SH3BGRL: variants seen among roughly 807,000 people sequenced by gnomAD.
The protein encoded by SH3BGRL is SH3 domain binding glutamate rich protein like, also known as adapter SH3BGRL.
SH3BGRL carries 7 observed loss-of-function variants against 9.8 expected under a neutral mutation model. The ratio of observed to expected loss-of-function variants is 0.72; its 90% CI spans 0.41 to 1.35. SH3BGRL has a LOEUF of 1.35. Among genes scored for constraint, SH3BGRL ranks in the 40% most tolerant of loss-of-function variants. The pLI is 0.01. For missense variants in SH3BGRL, 73 were observed against 84.4 expected (o/e 0.86, Z 0.53); for synonymous variants, 36 against 29.1 (o/e 1.24, Z -0.76).
At chrX:81,290,228 A>G (rs2075852826) in intron 3 of SH3BGRL, among the ~76,000 whole-genome samples, 1 of 112,161 alleles carries the variant, frequency 8.9e-6, no homozygotes, top group Non-Finnish European at 1.9e-5. Flanking sequence ...GCTGCTGGGT[A>G]TATACACTAA....
At chrX:81,254,954 G>A (rs1310943847) in intron 1 of SH3BGRL, among the ~76,000 whole-genome samples, 1 of 104,769 alleles carries the variant, frequency 9.5e-6, no homozygotes, top group Non-Finnish European at 1.9e-5. Context: ...GCAGTGGCAC[G>A]ATCTCGGCTC....
chrX:81,209,323 T>C (rs1396857632), intron 1 of SH3BGRL, among the ~76,000 whole-genome samples: 2 of 111,903 alleles, frequency 1.8e-5, no homozygotes, highest in African/African-American at 6.5e-5. Flanking sequence ...GATTTGACTT[T>C]AGTAATAGTA....
intron 1 of SH3BGRL, among the ~76,000 whole-genome samples, chrX:81,215,219 A>G (rs1025931687): frequency 9.1e-6 from 1 of 110,457 alleles, no homozygotes; most frequent in Non-Finnish European, 1.9e-5. Flanking sequence ...TCTACATTCA[A>G]TACTTTTACA....
chrX:81,220,274 C>G lies in SH3BGRL; in HGVS notation c.45+18029C>G, dbSNP rs1005120031. Among the ~76,000 whole-genome samples, 4 of 111,512 alleles carry G rather than the reference C, an allele frequency of 3.6e-5. No homozygotes were observed. In the Admixed American group the frequency reaches 3.8e-4, roughly 11 times the overall value. The stretch of plus-strand genomic sequence containing the variant: ...CCTGGCATTTCTTTGCTGGAAGACT[C>G]TGTTGCAGCTTTGTTCTCATTACTT... On this transcript the variant is annotated intron_variant, in intron 1 of 3. Coordinates refer to ENST00000373212, the MANE Select transcript of SH3BGRL (RefSeq NM_003022.3).
chrX:81,294,701 C>T (rs752808179), intron 3 of SH3BGRL, among the ~76,000 whole-genome samples: 3 of 110,880 alleles, frequency 2.7e-5, no homozygotes, highest in Non-Finnish European at 5.7e-5. Flanking sequence ...TCCTTCAGAC[C>T]CCAGAATGGT....
intron 1 of SH3BGRL, among the ~76,000 whole-genome samples, chrX:81,242,650 A>T (rs759568804): frequency 8.9e-6 from 1 of 111,732 alleles, no homozygotes; most frequent in Non-Finnish European, 1.9e-5. Context: ...AGAGTAGTAG[A>T]CAATATTTGC....
At chrX:81,260,618 A>G (rs980756065) in intron 1 of SH3BGRL, among the ~76,000 whole-genome samples, 7 of 110,543 alleles carry the variant, frequency 6.3e-5, no homozygotes, top group Admixed American at 9.7e-5. Flanking sequence ...TAATATACCC[A>G]CTTACTTGTA....
At chrX:81,264,458 A>G (rs769602467) in intron 1 of SH3BGRL, among the ~76,000 whole-genome samples, 17 of 111,853 alleles carry the variant, frequency 1.5e-4, no homozygotes, top group Admixed American at 4.8e-4. Flanking sequence ...AACACTTAAC[A>G]AGCACTCAAC....
At chrX:81,288,276 A>G (rs2075843930) in intron 3 of SH3BGRL, among the ~76,000 whole-genome samples, 1 of 112,162 alleles carries the variant, frequency 8.9e-6, no homozygotes, top group African/African-American at 3.2e-5. Context: ...CTTAGTATAG[A>G]AGGAACATAC....
chrX:81,286,683 G>A (rs2075835642), intron 3 of SH3BGRL, among the ~76,000 whole-genome samples: 1 of 110,038 alleles, frequency 9.1e-6, no homozygotes, highest in Non-Finnish European at 1.9e-5. Context: ...TTATCAAAGG[G>A]TATATAATGA....
chrX:81,246,555 GAATA>G (rs2075689463), intron 1 of SH3BGRL, among the ~76,000 whole-genome samples: 1 of 111,629 alleles, frequency 9.0e-6, no homozygotes, highest in Non-Finnish European at 1.9e-5. Flanking sequence ...AACATTTATT[GAATA>G]GGAAGTTCTT....
intron 1 of SH3BGRL, among the ~76,000 whole-genome samples, chrX:81,220,085 T>C (rs763922093): frequency 8.1e-5 from 9 of 111,506 alleles, no homozygotes; most frequent in African/African-American, 2.9e-4. Flanking sequence ...TTTTCTTTTT[T>C]TGGTGTGTCT....
chrX:81,296,308 C>T lies in SH3BGRL; in HGVS notation c.313-887C>T, dbSNP rs1036671310. Among the ~76,000 whole-genome samples the T allele has an allele frequency of 5.5e-4, 61 of 111,517 alleles. 1 individual carries two copies. The highest frequency in any genetic ancestry group is 3.8e-4 in the South Asian group (1 of 2,618). ...GGAATTGCAATTTGACATGGGATTT[C>T]GGTGGGGACACAGAGCCAAACCATA... is the stretch of plus-strand genomic sequence containing the variant. On this transcript the variant is annotated intron_variant, in intron 3 of 3. Transcript: ENST00000373212.
chrX:81,255,542 A>T (rs185231347), intron 1 of SH3BGRL: 67 of 112,081 alleles, frequency 6.0e-4, no homozygotes, highest in South Asian at 3.3e-3. Context: ...TATAAAATGA[A>T]TTTATATAAG....
intron 3 of SH3BGRL, among the ~76,000 whole-genome samples, chrX:81,285,112 T>C (rs1445370823): frequency 9.0e-6 from 1 of 111,462 alleles, no homozygotes; most frequent in African/African-American, 3.3e-5. Context: ...ATCCATTTCA[T>C]GTCAGAATGA....
At position 81,243,283 on chromosome X, in the gene SH3BGRL, G is replaced by A. The variant is rs537365511; in HGVS notation, c.46-33701G>A. On this transcript the variant is annotated intron_variant, in intron 1 of 3. Coordinates refer to ENST00000373212, the MANE Select transcript of SH3BGRL (RefSeq NM_003022.3). ...TTATATTAAGTGAAATAAATCAGGC[G>A]CAATAAGGCAAATGCCATGTGTTCT... Among the ~76,000 whole-genome samples the A allele has an allele frequency of 1.5e-4, 17 of 112,059 alleles. No homozygotes were observed. In the South Asian group the frequency reaches 4.8e-3, roughly 32 times the overall value.
chrX:81,249,167 C>A (rs2075701161), intron 1 of SH3BGRL, among the ~76,000 whole-genome samples: 1 of 112,392 alleles, frequency 8.9e-6, no homozygotes, highest in Admixed American at 9.4e-5. Flanking sequence ...TATTGCTCTT[C>A]CTCTGACACC....
chrX:81,215,473 C>T (rs904636301), intron 1 of SH3BGRL, among the ~76,000 whole-genome samples: 2 of 110,861 alleles, frequency 1.8e-5, no homozygotes, highest in African/African-American at 6.6e-5. Flanking sequence ...CTCCGAAGGA[C>T]GAGAAAAGGC....
At chrX:81,232,442 T>C (rs895124252) in intron 1 of SH3BGRL, among the ~76,000 whole-genome samples, 1 of 110,355 alleles carries the variant, frequency 9.1e-6, no homozygotes, top group Non-Finnish European at 1.9e-5. Flanking sequence ...ATAAGGAAGA[T>C]GATATCACCT....
Sources: gnomAD v4.1 joint callset for allele counts (sites outside exome capture counted in the v4.1 genomes callset) on GRCh38, gnomAD v4.1.1 for gene constraint, MANE v1.5 for transcripts, NCBI Gene and HGNC (gene_info 2026-07-23, HGNC 2026-07-21) for gene names.